The following TSPAN15 variants were observed in gnomAD, a reference collection of about 807,000 sequenced individuals.
The protein encoded by TSPAN15 is tetraspanin 15.
TSPAN15 carries 20 observed loss-of-function variants against 34.5 expected under a neutral mutation model. The observed-to-expected ratio is 0.58, with a 90% CI of 0.41 to 0.84. TSPAN15 has a LOEUF of 0.84. Ranked by LOEUF, TSPAN15 falls within the 40% of genes least tolerant of loss-of-function variation. The pLI is 0.00. For synonymous variants in TSPAN15, 155 were observed against 153.9 expected (o/e 1.01, Z -0.05); for missense variants, 313 against 386.1 (o/e 0.81, Z 1.59).
chr10:69,535,926 G>A, the TSPAN15 span, among the ~76,000 whole-genome samples: 38 of 152,332 alleles, frequency 2.5e-4, no homozygotes, highest in African/African-American at 8.7e-4. Context: ...AGGGGTTGTG[G>A]GGGCAAATCC....
chr10:69,477,032 C>T (rs1841628715), intron 1 of TSPAN15, among the ~76,000 whole-genome samples: 1 of 152,116 alleles, frequency 6.6e-6, no homozygotes, highest in South Asian at 2.1e-4. Context: ...CAGCAGGAAC[C>T]CAGCTGCCCT....
Position 69,506,543 on chromosome 10 carries a change from G to A in TSPAN15, c.736-286G>A, listed in dbSNP as rs1842330590. The stretch of plus-strand genomic sequence containing the variant: ...GACTTGCCAAGATCCCCTAGATAGT[G>A]TGCAGCAGAGCTGGGGTGGAGGCAG... On this transcript the variant is annotated intron_variant, in intron 7 of 7. Coordinates refer to ENST00000373290, the MANE Select transcript of TSPAN15 (RefSeq NM_012339.5). The surrounding 1 kb of genome is among the most constrained non-coding windows in gnomAD (Gnocchi z 4.7). Among the ~76,000 whole-genome samples, 1 of 152,240 alleles carries A rather than the reference G, an allele frequency of 6.6e-6. No individual in the cohort carries two copies. Among genetic ancestry groups the A allele is most frequent in the South Asian group, 2.1e-4 (1 of 4,832 alleles).
the TSPAN15 span, among the ~76,000 whole-genome samples, chr10:69,523,928 G>T: frequency 2.0e-5 from 3 of 147,880 alleles, no homozygotes; most frequent in Non-Finnish European, 4.5e-5. Context: ...AAGGAAAGGG[G>T]ATGGGGTGAA....
chr10:69,468,330 G>A (rs1841432902), intron 1 of TSPAN15, among the ~76,000 whole-genome samples: 1 of 152,152 alleles, frequency 6.6e-6, no homozygotes, highest in Non-Finnish European at 1.5e-5. Flanking sequence ...CCGGGTCATG[G>A]CTCTTGGCAA....
At chr10:69,491,366 A>G (rs1841965425) in intron 3 of TSPAN15, among the ~76,000 whole-genome samples, 1 of 152,066 alleles carries the variant, frequency 6.6e-6, no homozygotes, top group African/African-American at 2.4e-5. Context: ...CTCTCCTCCA[A>G]GTTTTTGTTT....
chr10:69,527,158 T>C, the TSPAN15 span, among the ~76,000 whole-genome samples: 1 of 148,152 alleles, frequency 6.7e-6, no homozygotes, highest in Non-Finnish European at 1.5e-5. Context: ...GGTACTGAAA[T>C]TCTAATACAT....
At chr10:69,497,441 G>A (rs1258683334) in intron 4 of TSPAN15, among the ~76,000 whole-genome samples, 1 of 152,170 alleles carries the variant, frequency 6.6e-6, no homozygotes, top group Non-Finnish European at 1.5e-5. Context: ...TTTCTGCGTG[G>A]GGCCTTTGCA....
intron 3 of TSPAN15, among the ~76,000 whole-genome samples, chr10:69,493,017 C>T (rs759205385): frequency 1.2e-4 from 19 of 152,170 alleles, no homozygotes; most frequent in Non-Finnish European, 1.8e-4. Context: ...CCAATCATGT[C>T]GTTCAGTGCT....
chr10:69,546,693 A>G, the TSPAN15 span, among the ~76,000 whole-genome samples: 1 of 152,108 alleles, frequency 6.6e-6, no homozygotes, highest in Non-Finnish European at 1.5e-5. Flanking sequence ...CTGCCTTTGA[A>G]ATCTCTCCTG....
the TSPAN15 span, among the ~76,000 whole-genome samples, chr10:69,515,249 A>C: frequency 1.3e-5 from 2 of 152,296 alleles, no homozygotes; most frequent in South Asian, 4.2e-4. Flanking sequence ...TGAGGGCCTC[A>C]TCTGTCTTTT....
At chr10:69,532,861 T>C in the TSPAN15 span, among the ~76,000 whole-genome samples, 6 of 152,038 alleles carry the variant, frequency 3.9e-5, no homozygotes, top group Non-Finnish European at 7.4e-5. Context: ...CATCAAAAAG[T>C]GGCCTAAGAA....
intron 1 of TSPAN15, among the ~76,000 whole-genome samples, chr10:69,458,019 G>A (rs1266882132): frequency 1.3e-5 from 2 of 152,200 alleles, no homozygotes; most frequent in African/African-American, 4.8e-5. Flanking sequence ...CTGAAGAGAA[G>A]TGAGTTGCCT....
the TSPAN15 span, among the ~76,000 whole-genome samples, chr10:69,537,608 A>C: frequency 6.6e-6 from 1 of 152,228 alleles, no homozygotes; most frequent in South Asian, 2.1e-4. Flanking sequence ...TAAGGACAGC[A>C]GTCATCTTGG....
the TSPAN15 span, chr10:69,523,668 C>T: frequency 4.6e-3 from 938 of 203,400 alleles, 63 homozygotes; most frequent in African/African-American, 0.021. Flanking sequence ...GATTGTCAGG[C>T]GCTGGATGAA....
At chr10:69,505,708 C>T (rs1167368661) in intron 6 of TSPAN15, among the ~76,000 whole-genome samples, 4 of 152,034 alleles carry the variant, frequency 2.6e-5, no homozygotes, top group South Asian at 4.2e-4. Context: ...ATGCCCAACT[C>T]TGCTTTGTTT....
At chr10:69,459,875 C>A (rs1841205534) in intron 1 of TSPAN15, among the ~76,000 whole-genome samples, 1 of 151,502 alleles carries the variant, frequency 6.6e-6, no homozygotes, top group African/African-American at 2.4e-5. Flanking sequence ...AAGCACGGGG[C>A]CTACTCTAGG....
the TSPAN15 span, among the ~76,000 whole-genome samples, chr10:69,547,264 T>A: frequency 6.6e-6 from 1 of 152,178 alleles, no homozygotes; most frequent in Non-Finnish European, 1.5e-5. Flanking sequence ...TCATCTTCCA[T>A]GTGCTATGCA....
the TSPAN15 span, among the ~76,000 whole-genome samples, chr10:69,539,495 A>AG: frequency 2.1e-4 from 15 of 71,068 alleles, 1 homozygote; most frequent in East Asian, 9.1e-4. Context: ...AAGAAGAAGA[A>AG]GAAGAAGAAG....
intron 3 of TSPAN15, 72 bp downstream of exon 3, chr10:69,485,287 G>A: frequency 7.6e-7 from 1 of 1,307,234 alleles, no homozygotes; most frequent in African/African-American, 1.4e-5. Flanking sequence ...GGCTAACTGG[G>A]GGTATGGCAG....
Sources: allele counts gnomAD v4.1 joint callset (sites outside exome capture counted in the v4.1 genomes callset), GRCh38; gene constraint gnomAD v4.1.1; non-coding constraint Gnocchi (gnomAD v3.1); transcripts MANE v1.5; gene names NCBI Gene and HGNC (gene_info 2026-07-23, HGNC 2026-07-21).